SPDYE3: variants seen among roughly 807,000 people sequenced by gnomAD.
SPDYE3 encodes speedy protein E3.
In SPDYE3, 15 loss-of-function variants were observed where a neutral mutation model predicts 55.0. The ratio of observed to expected loss-of-function variants is 0.27; its 90% CI spans 0.18 to 0.42. The LOEUF is 0.42. Among genes scored for constraint, SPDYE3 ranks in the 10% least tolerant of loss-of-function variants. SPDYE3 has a pLI of 1.00. For synonymous variants in SPDYE3, 89 were observed against 229.9 expected, an observed-to-expected ratio of 0.39 and a Z score of 5.55; for missense variants, 236 against 576.7, an observed-to-expected ratio of 0.41 and a Z score of 6.05.
chr7:100,312,947 C>T (rs1805998769), intron 4 of SPDYE3, among the ~76,000 whole-genome samples, 193 bp from the exon 5 acceptor site: 1 of 148,656 alleles, frequency 6.7e-6, no homozygotes, highest in Non-Finnish European at 1.5e-5. Context: ...GTTCTGAGGA[C>T]AGAGAGAGGG....
intron 2 of SPDYE3, among the ~76,000 whole-genome samples, chr7:100,309,626 C>CG (rs1246504950): frequency 1.5e-5 from 2 of 129,330 alleles, no homozygotes; most frequent in African/African-American, 2.8e-5. Flanking sequence ...GAGGCTGAGA[C>CG]AGGAGAATCG....
chr7:100,307,983 G>C lies in SPDYE3; in HGVS notation c.98G>C (p.Gly33Ala). The C allele has an allele frequency of 6.4e-7, 1 of 1,555,222 alleles. No homozygotes were observed. Among genetic ancestry groups the C allele is most frequent in the Non-Finnish European group, 8.6e-7 (1 of 1,158,308 alleles). The change falls in exon 1 of 11, where the codon GGA becomes GCA. Residue 33 changes from glycine (G) to alanine (A), a missense_variant. By Grantham distance (60) the Gly-to-Ala change is moderately conservative (BLOSUM62 0). Transcript: ENST00000332397. ...GAGGTGGTGGATGATGAAGTGTCGG[G>C]ACCATCAGGTGAGGGGACTGGAGGA... ...LQEVVDDEVS[G>A]PSAPGVDPSP...
chr7:100,308,992 GC>G lies in SPDYE3; in HGVS notation c.131del (p.Pro44HisfsTer43), dbSNP rs1415058223. ...SGPSAPGVDP[S>X]PPRRSLGCKR... ...TACTCAGCCCCTGGGGTAGATCCCA[GC>G]CCCCCACGTAGGTCCCTTGGCTGCA... On this transcript the variant is annotated frameshift_variant, in exon 2 of 11. Coordinates refer to ENST00000332397, the MANE Select transcript of SPDYE3 (RefSeq NM_001004351.5). LOFTEE classifies it high-confidence loss of function. 8.7e-6 allele frequency: 5 copies of G among 576,386 alleles called. No individual in the cohort carries two copies. Among genetic ancestry groups the G allele is most frequent in the African/African-American group, 6.8e-5 (3 of 44,160 alleles). The allele number at this position is 576,386 out of a possible 1,614,324, so 35.7% of individuals were successfully genotyped here.
At chr7:100,316,104 G>A (rs562373502) in intron 7 of SPDYE3, among the ~76,000 whole-genome samples, 2 of 152,226 alleles carry the variant, frequency 1.3e-5, no homozygotes, top group African/African-American at 4.8e-5. Flanking sequence ...CCAAGCAGCT[G>A]GGATTACAAA....
intron 8 of SPDYE3, among the ~76,000 whole-genome samples, chr7:100,317,498 G>T (rs1169476163): frequency 1.3e-5 from 2 of 152,076 alleles, no homozygotes; most frequent in Admixed American, 1.3e-4. Flanking sequence ...CAAGCTACTT[G>T]GGAGGCTGAG....
chr7:100,316,261 T>C (rs1806104644), intron 7 of SPDYE3, among the ~76,000 whole-genome samples: 1 of 152,192 alleles, frequency 6.6e-6, no homozygotes, highest in African/African-American at 2.4e-5. Flanking sequence ...GTCAGCACTG[T>C]GTCCGACCAG....
chr7:100,308,327 T>A (rs1805876431), intron 1 of SPDYE3, among the ~76,000 whole-genome samples: 3 of 119,244 alleles, frequency 2.5e-5, no homozygotes, highest in African/African-American at 3.4e-5. Flanking sequence ...TGAGACGCTG[T>A]CTCAAAAAAA....
chr7:100,312,433 G>C (rs1805984599), intron 4 of SPDYE3, among the ~76,000 whole-genome samples: 1 of 139,434 alleles, frequency 7.2e-6, no homozygotes, highest in African/African-American at 2.8e-5. Context: ...GGAGGAAGAG[G>C]GTGCAGTGAG....
Position 100,308,044 on chromosome 7 carries a change from A to T in SPDYE3, c.106+53A>T, listed in dbSNP as rs1312584431. ...GCATAGGATTGACTAAGACGAAGGA[A>T]GGGGGCCAGGTGCGGTAGCTCACCC... is the stretch of plus-strand genomic sequence containing the variant. On this transcript the variant is annotated intron_variant, in intron 1 of 10. Coordinates refer to ENST00000332397, the MANE Select transcript of SPDYE3 (RefSeq NM_001004351.5). 2.3e-5 allele frequency: 35 copies of T among 1,506,310 alleles called. No individual in the cohort carries two copies. In the Admixed American group the frequency reaches 6.9e-4, roughly 30 times the overall value. The allele number at this position is 1,506,310 out of a possible 1,614,324, so 93.3% of individuals were successfully genotyped here. A position where few individuals can be genotyped will look rare whatever the true frequency, so the allele number is the denominator to read the frequency against.
At chr7:100,317,042 C>T (rs1806121021) in intron 7 of SPDYE3, 28 bp from the exon 8 acceptor site, 4 of 1,561,950 alleles carry the variant, frequency 2.6e-6, no homozygotes, top group South Asian at 1.1e-5. Context: ...GTGACCTCTC[C>T]CTCTCTGTGT....
At chr7:100,318,150 G>C (rs1463788589) in intron 8 of SPDYE3, among the ~76,000 whole-genome samples, 2 of 151,916 alleles carry the variant, frequency 1.3e-5, no homozygotes, top group Non-Finnish European at 2.9e-5. Flanking sequence ...ACCTCCTCTG[G>C]GTTCCCGTGA....
rs1447246479 is a variant in SPDYE3 at position 100,321,079 on chromosome 7, G to A, written c.*234G>A. On this transcript the variant is annotated 3_prime_UTR_variant, in exon 11 of 11. Transcript: ENST00000332397. Reference sequence around the variant, plus strand: ...GCAGGGGTGGGGTGGGGTACTTCTAGGAGTCCTTGGAGAAAAGTAAGAAAC... The same window carrying A: ...GCAGGGGTGGGGTGGGGTACTTCTAAGAGTCCTTGGAGAAAAGTAAGAAAC... 1.4e-5 allele frequency: 10 copies of A among 726,900 alleles called. No homozygotes were observed. In the Middle Eastern group the frequency reaches 1.6e-3, roughly 113 times the overall value. 45.0% of individuals were successfully genotyped at this position (726,900 alleles called of 1,614,324 possible).
At position 100,310,344 on chromosome 7, in the gene SPDYE3, TG is replaced by T; in HGVS notation, c.326-14del. The T allele has an allele frequency of 1.7e-6, 1 of 574,490 alleles. No individual in the cohort carries two copies. Among genetic ancestry groups the T allele is most frequent in the Non-Finnish European group, 3.0e-6 (1 of 330,314 alleles). 35.6% of individuals were successfully genotyped at this position (574,490 alleles called of 1,614,324 possible). On this transcript the variant is annotated splice_polypyrimidine_tract_variant and intron_variant, in intron 2 of 10. Transcript: ENST00000332397. ...GTTGCAGAAGCATTACACGGTGGCCTGGTTTCTTTACTCAGCCCCTGGGGTA... is the reference window on the plus strand; with the variant it reads ...GTTGCAGAAGCATTACACGGTGGCCTGTTTCTTTACTCAGCCCCTGGGGTA...
At position 100,311,869 on chromosome 7, in the gene SPDYE3, T is replaced by C; in HGVS notation, c.664T>C (p.Trp222Arg). The change falls in exon 4 of 11, where the codon TGG (tryptophan) becomes CGG (arginine). Residue 222 changes from tryptophan to arginine, a missense_variant. Coordinates refer to ENST00000332397, the MANE Select transcript of SPDYE3 (RefSeq NM_001004351.5). ...GCTCGCCCCTGAGCCTGAGGAGACC[T>C]GGGTGGCAGAGACGCTGTGTGGCCT... The part of the protein sequence containing the change: ...KELAPEPEET[W>R]VAETLCGLKM... 21 of 1,504,432 alleles carry C rather than the reference T, an allele frequency of 1.4e-5. 7 individuals are homozygous for C. The highest frequency in any genetic ancestry group is 3.4e-5 in the African/African-American group (2 of 58,826). 93.2% of individuals were successfully genotyped at this position (1,504,432 alleles called of 1,614,324 possible). A position where few individuals can be genotyped will look rare whatever the true frequency, so the allele number is the denominator to read the frequency against.
At chr7:100,319,887 T>A in intron 9 of SPDYE3, 44 bp from the exon 10 acceptor site, 1 of 1,612,554 alleles carries the variant, frequency 6.2e-7, no homozygotes, top group Non-Finnish European at 8.5e-7. Context: ...GAGAGGGGTA[T>A]CCTGGGGAGT....
chr7:100,319,617 T>C lies in SPDYE3; in HGVS notation c.1399T>C (p.Phe467Leu). ...CGACGAGGCCCCCAAACAAAAGATC[T>C]TCTACTTCCTGTACGGGAAGACCCA... The part of the protein sequence containing the change: ...EDDEAPKQKI[F>L]YFLYGKTHSH... Residue 467 changes from phenylalanine to leucine, a missense_variant, in exon 9 of 11, where the codon TTC becomes CTC. Coordinates refer to ENST00000332397, the MANE Select transcript of SPDYE3 (RefSeq NM_001004351.5). 1 of 1,614,190 alleles carries C rather than the reference T, an allele frequency of 6.2e-7. No individual in the cohort carries two copies. The highest frequency in any genetic ancestry group is 8.5e-7 in the Non-Finnish European group (1 of 1,180,036).
intron 8 of SPDYE3, among the ~76,000 whole-genome samples, chr7:100,317,766 C>A (rs1010583185): frequency 6.6e-6 from 1 of 150,856 alleles, no homozygotes; most frequent in Non-Finnish European, 1.5e-5. Context: ...GAGAGCAAAA[C>A]CATCCTGGCT....
Position 100,315,860 on chromosome 7 carries a change from T to A in SPDYE3, c.1260+17T>A. On this transcript the variant is annotated intron_variant, in intron 7 of 10. Transcript: ENST00000332397. ...TCAGACAAGGTAAGGTTGTTCTCTATGTAACTGTGTTCCTGTTCTAACGCA... is the reference window on the plus strand; with the variant it reads ...TCAGACAAGGTAAGGTTGTTCTCTAAGTAACTGTGTTCCTGTTCTAACGCA... 1 of 1,599,780 alleles carries A rather than the reference T, an allele frequency of 6.3e-7. No individual in the cohort carries two copies. Among genetic ancestry groups the A allele is most frequent in the Non-Finnish European group, 8.5e-7 (1 of 1,179,694 alleles).
At chr7:100,315,395 T>C (rs1806077664) in intron 6 of SPDYE3, among the ~76,000 whole-genome samples, 1 of 152,228 alleles carries the variant, frequency 6.6e-6, no homozygotes, top group African/African-American at 2.4e-5. Flanking sequence ...CTGACTTTTC[T>C]AAACCTAAGT....
Sources: allele counts gnomAD v4.1 joint callset (sites outside exome capture counted in the v4.1 genomes callset), GRCh38; gene constraint gnomAD v4.1.1; transcripts MANE v1.5; gene names NCBI Gene and HGNC (gene_info 2026-07-23, HGNC 2026-07-21).